APC2: variants seen among roughly 807,000 people sequenced by gnomAD.
APC2 encodes the protein adenomatous polyposis coli protein 2.
A neutral mutation model predicts 72.5 loss-of-function variants in APC2; 41 were observed. That is an observed-to-expected ratio of 0.57 (90% CI 0.44 to 0.73). The LOEUF (loss-of-function observed/expected upper bound fraction) is 0.73. Among genes scored for constraint, APC2 ranks in the 30% least tolerant of loss-of-function variants. The probability of loss-of-function intolerance (pLI) is 0.00; values close to 1 mark genes in which losing one functional copy is unlikely to be tolerated. For synonymous variants in APC2, 1,898 were observed against 1,612.0 expected (o/e 1.18, Z -4.25); for missense variants, 3,729 against 3,403.4 (o/e 1.10, Z -2.38).
At chr19:1,449,636 C>T (rs1358771579), upstream of APC2, among the ~76,000 whole-genome samples, 1 of 152,034 alleles carries the variant, frequency 6.6e-6, no homozygotes, top group Non-Finnish European at 1.5e-5. Context: ...CCCTGCCCCT[C>T]CTCCCCTCTC....
At chr19:1,448,867 GA>G (rs1569132878), upstream of APC2, among the ~76,000 whole-genome samples, 23 of 150,862 alleles carry the variant, frequency 1.5e-4, no homozygotes, top group South Asian at 6.4e-4. Flanking sequence ...AGAAAAAAAA[GA>G]AAAAGAAAAA....
chr19:1,473,218 T>C lies in APC2; in HGVS notation c.*3005T>C, dbSNP rs1316408456. 6.6e-6 allele frequency: 1 copy of C among 152,298 alleles called. No individual in the cohort carries two copies. Among genetic ancestry groups the C allele is most frequent in the Non-Finnish European group, 1.5e-5 (1 of 68,066 alleles). The allele number at this position is 152,298 out of a possible 1,614,324, so 9.4% of individuals were successfully genotyped here. ...CCGTCAGCTGTCCGACTCGCACACA[T>C]TTAATAAACTGAGCTCTTGCATTGC... On this transcript the variant is annotated 3_prime_UTR_variant, in exon 15 of 15. Transcript: ENST00000590469.
Position 1,467,639 on chromosome 19 carries a change from A to T in APC2, c.4338A>T (p.Gly1446=). The part of the protein sequence containing the change: ...RQAMGHRHKA[G]GAGRSAEQSR... ...CCATGGGGCACCGGCACAAGGCGGG[A>T]GGCGCCGGCCGCAGCGCGGAGCAGT... Residue 1446 remains glycine, a synonymous_variant, in exon 15 of 15, where the codon GGA becomes GGT. Coordinates refer to ENST00000590469, the MANE Select transcript of APC2 (RefSeq NM_005883.3). The T allele has an allele frequency of 6.7e-7, 1 of 1,483,564 alleles. No individual in the cohort carries two copies. The highest frequency in any genetic ancestry group is 8.9e-7 in the Non-Finnish European group (1 of 1,124,638). 91.9% of individuals were successfully genotyped at this position (1,483,564 alleles called of 1,614,324 possible).
rs887770452 is a variant in APC2, at chr19:1,457,822, G to A, written c.1208-143G>A. The A allele has an allele frequency of 2.4e-5, 17 of 700,742 alleles. No individual in the cohort carries two copies. In the Admixed American group the frequency reaches 2.6e-4, roughly 11 times the overall value. 43.4% of individuals were successfully genotyped at this position (700,742 alleles called of 1,614,324 possible). Reference sequence around the variant, plus strand: ...CCCATCATCCCATCTTAGAGAGGCTGGGAAAGGAAGTCCCAACTTTGCAGC... The same window carrying A: ...CCCATCATCCCATCTTAGAGAGGCTAGGAAAGGAAGTCCCAACTTTGCAGC... On this transcript the variant is annotated intron_variant, in intron 9 of 14. Transcript: ENST00000590469.
rs535367731 is a variant in APC2, at chr19:1,456,718, C to G, written c.817-135C>G. ...CCGAAGCACGTGTGCAGCCTCCTAGCGTCCCCTCATCTGTCCCCCAGGTGG... is the reference window on the plus strand; with the variant it reads ...CCGAAGCACGTGTGCAGCCTCCTAGGGTCCCCTCATCTGTCCCCCAGGTGG... On this transcript the variant is annotated intron_variant, in intron 8 of 14. Transcript: ENST00000590469. The G allele has an allele frequency of 5.2e-6, 6 of 1,163,766 alleles. No homozygotes were observed. In the East Asian group the frequency reaches 1.3e-4, roughly 25 times the overall value. 72.1% of individuals were successfully genotyped at this position (1,163,766 alleles called of 1,614,324 possible).
Position 1,465,767 on chromosome 19 carries a change from C to T in APC2, c.2466C>T (p.Thr822=). 1 of 1,548,368 alleles carries T rather than the reference C, an allele frequency of 6.5e-7. No homozygotes were observed. The change falls in exon 15 of 15, where the codon ACC becomes ACT. Residue 822 remains threonine, a synonymous_variant. Coordinates refer to ENST00000590469, the MANE Select transcript of APC2 (RefSeq NM_005883.3). ...QGQALARTPP[T]RRGGKEAEKD... ...AGGCGCTGGCTCGCACCCCGCCCAC[C>T]CGCCGAGGCGGCAAGGAGGCAGAGA...
chr19:1,460,142 T>C (rs2145209145), intron 10 of APC2, 39 bp from the exon 11 acceptor site: 1 of 1,611,234 alleles, frequency 6.2e-7, no homozygotes, highest in Non-Finnish European at 8.5e-7. Context: ...GCAGGCAGGG[T>C]CATCCCTGCC....
At position 1,469,921 on chromosome 19, in the gene APC2, C is replaced by T. The variant is rs1338563418; in HGVS notation, c.6620C>T (p.Pro2207Leu). ...AAPKTNSSTS[P>L]SLETREPPGA... ...CCCAAGACCAACTCCAGCACGTCCC[C>T]GAGCCTGGAGACCAGGGAGCCCCCC... The change falls in exon 15 of 15, where the codon CCG becomes CTG. Residue 2207 changes from proline to leucine, a missense_variant. Transcript: ENST00000590469. The T allele has an allele frequency of 2.6e-6, 4 of 1,519,730 alleles. No homozygotes were observed. The highest frequency in any genetic ancestry group is 3.5e-6 in the Non-Finnish European group (4 of 1,140,066). The allele number at this position is 1,519,730 out of a possible 1,614,324, so 94.1% of individuals were successfully genotyped here.
In APC2 at chr19:1,453,638, G is replaced by A. The variant is rs369609345; in HGVS notation, c.413+27G>A. On this transcript the variant is annotated intron_variant, in intron 4 of 14. Transcript: ENST00000590469. Reference sequence around the variant, plus strand: ...TGAGTGGGCGTGGGAACCCAGCCTCGGGCAGCTGGAGCATGACTCGGTCCC... The same window carrying A: ...TGAGTGGGCGTGGGAACCCAGCCTCAGGCAGCTGGAGCATGACTCGGTCCC... The A allele has an allele frequency of 1.9e-4, 292 of 1,572,864 alleles. No homozygotes were observed. The African/African-American group carries it at 2.4e-3, about 13-fold the overall frequency.
At chr19:1,455,289 G>A in intron 5 of APC2, 32 bp downstream of exon 5, 1 of 1,563,268 alleles carries the variant, frequency 6.4e-7, no homozygotes. Context: ...GGGGCAGCGC[G>A]CCCGCCCCAC....
intron 10 of APC2, 42 bp downstream of exon 10, chr19:1,458,102 C>T (rs776265391): frequency 1.3e-5 from 20 of 1,524,848 alleles, no homozygotes; most frequent in Middle Eastern, 1.8e-4. Flanking sequence ...CTCCAGCCCC[C>T]GAACAGGTGG....
chr19:1,465,551 C>G lies in APC2; in HGVS notation c.2250C>G (p.Ala750=), dbSNP rs768435142. 3.3e-6 allele frequency: 5 copies of G among 1,537,432 alleles called. No individual in the cohort carries two copies. The highest frequency in any genetic ancestry group is 1.4e-5 in the African/African-American group (1 of 72,176). The part of the protein sequence containing the change: ...EHLEKQGPPA[A]EAATKKPLPP... ...TGGAGAAGCAGGGCCCGCCGGCAGC[C>G]GAGGCCGCCACTAAGAAGCCGCTGC... Residue 750 remains alanine (A), a synonymous_variant, in exon 15 of 15, where the codon GCC becomes GCG. Transcript: ENST00000590469.
rs759295408 is a variant in APC2, at chr19:1,465,226, T to C, written c.1925T>C (p.Val642Ala). Reference sequence around the variant, plus strand: ...CTGACTTCGCACAGCCTGACCATCGTGAGCAACGCGTGCGGCACGCTCTGG... The same window carrying C: ...CTGACTTCGCACAGCCTGACCATCGCGAGCAACGCGTGCGGCACGCTCTGG... ...QHLTSHSLTI[V>A]SNACGTLWNL... is the part of the protein sequence containing the mutation. Residue 642 changes from valine (V) to alanine (A), a missense_variant, in exon 15 of 15, where the codon GTG becomes GCG. By Grantham distance (64) the Val-to-Ala change is moderately conservative. Coordinates refer to ENST00000590469, the MANE Select transcript of APC2 (RefSeq NM_005883.3). 1 of 1,610,720 alleles carries C rather than the reference T, an allele frequency of 6.2e-7. No homozygotes were observed. Among genetic ancestry groups the C allele is most frequent in the Non-Finnish European group, 8.5e-7 (1 of 1,179,540 alleles).
rs1475414312 is a variant in APC2, at chr19:1,465,332, C to G, written c.2031C>G (p.His677Gln). The G allele has an allele frequency of 6.3e-7, 1 of 1,592,154 alleles. No homozygotes were observed. Among genetic ancestry groups the G allele is most frequent in the Non-Finnish European group, 8.5e-7 (1 of 1,175,360 alleles). Reference sequence around the variant, plus strand: ...TGGGCATGCTGCGTAATCTGGTGCACTCCAAGCACAAGATGATCGCCATGG... The same window carrying G: ...TGGGCATGCTGCGTAATCTGGTGCAGTCCAAGCACAAGATGATCGCCATGG... ...GAVGMLRNLV[H>Q]SKHKMIAMGS... is the part of the protein sequence containing the mutation. Residue 677 changes from histidine to glutamine, a missense_variant, in exon 15 of 15, where the codon CAC (histidine) becomes CAG (glutamine). Transcript: ENST00000590469.
In APC2 at chr19:1,470,072, C is replaced by A; in HGVS notation, c.6771C>A (p.Pro2257=). 2 of 1,597,674 alleles carry A rather than the reference C, an allele frequency of 1.3e-6. No individual in the cohort carries two copies. The highest frequency in any genetic ancestry group is 2.3e-5 in the East Asian group (1 of 44,126). The change falls in exon 15 of 15, where the codon CCC becomes CCA. Residue 2257 remains proline, a synonymous_variant. Coordinates refer to ENST00000590469, the MANE Select transcript of APC2 (RefSeq NM_005883.3). ...EGLGVAVGGF[P]ASRHGSPSRS... The stretch of plus-strand genomic sequence containing the variant: ...TGGGGGTCGCCGTGGGGGGCTTCCC[C>A]GCCAGCCGGCACGGCTCCCCCAGCC...
In APC2 at chr19:1,466,682, G is replaced by A. The variant is rs1008047776; in HGVS notation, c.3381G>A (p.Pro1127=). ...CCACCTCGCTGCCCGTAGCCATTCC[G>A]GCTCCCCGGCGTAACCGAGGCCGGG... The part of the protein sequence containing the change: ...PGATSLPVAI[P]APRRNRGRGL... The change falls in exon 15 of 15, where the codon CCG becomes CCA. Residue 1127 remains proline (P), a synonymous_variant. Transcript: ENST00000590469. 3 of 1,509,878 alleles carry A rather than the reference G, an allele frequency of 2.0e-6. No individual in the cohort carries two copies. The highest frequency in any genetic ancestry group is 4.9e-5 in the East Asian group (2 of 40,768). 93.5% of individuals were successfully genotyped at this position (1,509,878 alleles called of 1,614,324 possible).
At position 1,457,022 on chromosome 19, in the gene APC2, G is replaced by A. The variant is rs770840559; in HGVS notation, c.986G>A (p.Gly329Glu). The change falls in exon 9 of 15, where the codon GGG (glycine) becomes GAG (glutamate). Residue 329 changes from glycine (G) to glutamate (E), a missense_variant. Gly to Glu is a moderately conservative substitution (Grantham distance 98). Transcript: ENST00000590469. ...QILHGTEAAA[G>E]GRAGAPGAPG... ...CTCCACGGCACCGAGGCCGCGGCCG[G>A]GGGTCGCGCCGGGGCCCCAGGGGCA... 5.9e-6 allele frequency: 9 copies of A among 1,528,198 alleles called. No homozygotes were observed. The highest frequency in any genetic ancestry group is 7.9e-6 in the Non-Finnish European group (9 of 1,143,882). 94.7% of individuals were successfully genotyped at this position (1,528,198 alleles called of 1,614,324 possible).
At chr19:1,461,704 T>G in intron 13 of APC2, 2 of 476,498 alleles carry the variant, frequency 4.2e-6, no homozygotes, top group Non-Finnish European at 7.4e-6. Context: ...TACAAAAAAT[T>G]AGCCGGGCGT....
At position 1,457,116 on chromosome 19, in the gene APC2, C is replaced by G; in HGVS notation, c.1080C>G (p.Asp360Glu). The G allele has an allele frequency of 6.3e-7, 1 of 1,587,710 alleles. No individual in the cohort carries two copies. Among genetic ancestry groups the G allele is most frequent in the Non-Finnish European group, 8.5e-7 (1 of 1,170,468 alleles). ...ACAACATCGTCTTCTCGCAGCCGGA[C>G]CAGGGCCTGGCGCGCAAGGAGATGC... ...ALHNIVFSQP[D>E]QGLARKEMRV... The change falls in exon 9 of 15, where the codon GAC (aspartate) becomes GAG (glutamate). Residue 360 changes from aspartate (D) to glutamate (E), a missense_variant. Coordinates refer to ENST00000590469, the MANE Select transcript of APC2 (RefSeq NM_005883.3).
Sources: allele counts gnomAD v4.1 joint callset (sites outside exome capture counted in the v4.1 genomes callset), GRCh38; gene constraint gnomAD v4.1.1; transcripts MANE v1.5; gene names NCBI Gene and HGNC (gene_info 2026-07-23, HGNC 2026-07-21).